The following KISS1 variants were observed in gnomAD, a reference collection of about 807,000 sequenced individuals.
The protein encoded by KISS1 is KiSS-1 metastasis suppressor.
For synonymous variants in KISS1, 97 were observed against 88.7 expected, an observed-to-expected ratio of 1.09 and a Z score of -0.52; for missense variants, 182 against 182.7, an observed-to-expected ratio of 1.00 and a Z score of 0.02.
In KISS1 at chr1:204,190,418, C is replaced by CACG. The variant is rs1658711464; in HGVS notation, c.*65_*66insCGT. 1.7e-5 allele frequency: 12 copies of CACG among 692,628 alleles called. 3 individuals carry two copies. The East Asian group carries it at 3.6e-4, about 21-fold the overall frequency. The allele number at this position is 692,628 out of a possible 1,614,324, so 42.9% of individuals were successfully genotyped here. Reference sequence around the variant, plus strand: ...CTCCCTTAGCCCTACGTCCCCGCCCCCCGCCCCCGCCCCGCATGCTCTGAC... The same window carrying CACG: ...CTCCCTTAGCCCTACGTCCCCGCCCCACGCCGCCCCCGCCCCGCATGCTCTGAC... On this transcript the variant is annotated 3_prime_UTR_variant, in exon 3 of 3. Coordinates refer to ENST00000367194, the MANE Select transcript of KISS1 (RefSeq NM_002256.4).
intron 1 of KISS1, among the ~76,000 whole-genome samples, chr1:204,195,671 A>C (rs1194423306): frequency 1.3e-5 from 2 of 149,890 alleles, no homozygotes; most frequent in Non-Finnish European, 3.0e-5. Flanking sequence ...ACACATGCGC[A>C]CACACATCAC....
chr1:204,193,064 A>G, intron 1 of KISS1, 150 bp from the exon 2 acceptor site: 1 of 655,848 alleles, frequency 1.5e-6, no homozygotes, highest in Non-Finnish European at 2.8e-6. Flanking sequence ...AGTCTAAACA[A>G]ATATATCAGT....
chr1:204,194,391 C>G lies in KISS1; in HGVS notation c.-38-1477G>C, dbSNP rs188328465. On this transcript the variant is annotated intron_variant, in intron 1 of 2. Coordinates refer to ENST00000367194, the MANE Select transcript of KISS1 (RefSeq NM_002256.4). The stretch of plus-strand genomic sequence containing the variant: ...TACCTTAAGGCCCAGGGCTGGGGCA[C>G]GGAGTAGAGGTAGGATTAATCCATT... 3.2e-3 allele frequency among the ~76,000 whole-genome samples: 483 copies of G among 152,228 alleles called. 1 individual carries two copies. Among genetic ancestry groups the G allele is most frequent in the Middle Eastern group, 6.8e-3 (2 of 294 alleles).
chr1:204,195,389 T>TAC (rs1658835781), intron 1 of KISS1, among the ~76,000 whole-genome samples: 4 of 116,760 alleles, frequency 3.4e-5, no homozygotes, highest in Non-Finnish European at 5.4e-5. Flanking sequence ...ACACACATCA[T>TAC]GCACACACAC....
In KISS1 at chr1:204,190,409, T is replaced by TTGGCCCCCCCCCCCCC; in HGVS notation, c.*74_*75insGGGGGGGGGGGGGCCA. On this transcript the variant is annotated 3_prime_UTR_variant, in exon 3 of 3. Transcript: ENST00000367194. ...CAGCGCCCCCTCCCTTAGCCCTACG[T>TTGGCCCCCCCCCCCCC]CCCCGCCCCCCGCCCCCGCCCCGCA... is the stretch of plus-strand genomic sequence containing the variant. 4 of 570,138 alleles carry TTGGCCCCCCCCCCCCC rather than the reference T, an allele frequency of 7.0e-6. No homozygotes were observed. Among genetic ancestry groups the TTGGCCCCCCCCCCCCC allele is most frequent in the African/African-American group, 2.5e-5 (1 of 40,318 alleles). 35.3% of individuals were successfully genotyped at this position (570,138 alleles called of 1,614,324 possible). A position where few individuals can be genotyped will look rare whatever the true frequency, so the allele number is the denominator to read the frequency against.
rs772143425 is a variant in KISS1 at position 204,190,754 on chromosome 1, C to A, written c.147G>T (p.Gln49His). ...ESLGLLAPGE[Q>H]SLPCTERKPA... ...GCTTCCTCTCGGTGCACGGCAGGCT[C>A]TGCTCCCCGGGGGCCAGGAGGCCCA... The change falls in exon 3 of 3, where the codon CAG (glutamine) becomes CAT (histidine). Residue 49 changes from glutamine to histidine, a missense_variant. Physicochemically the swap from Gln to His is conservative, Grantham distance 24. Coordinates refer to ENST00000367194, the MANE Select transcript of KISS1 (RefSeq NM_002256.4). The A allele has an allele frequency of 4.8e-5, 78 of 1,611,338 alleles. 1 individual carries two copies. The highest frequency in any genetic ancestry group is 6.5e-5 in the Non-Finnish European group (77 of 1,179,590).
At position 204,192,475 on chromosome 1, in the gene KISS1, C is replaced by T. The variant is rs960063679; in HGVS notation, c.103+299G>A. On this transcript the variant is annotated intron_variant, in intron 2 of 2. Transcript: ENST00000367194. The surrounding 1 kb of genome is among the most constrained non-coding windows in gnomAD (Gnocchi z 4.2). ...TGCATATGAAGTTTCTTCTCAACATCGGCACAGAGAGGTTGCTGACGTAGA... is the reference window on the plus strand; with the variant it reads ...TGCATATGAAGTTTCTTCTCAACATTGGCACAGAGAGGTTGCTGACGTAGA... Among the ~76,000 whole-genome samples the T allele has an allele frequency of 6.6e-6, 1 of 151,412 alleles. No individual in the cohort carries two copies. Among genetic ancestry groups the T allele is most frequent in the African/African-American group, 2.4e-5 (1 of 41,098 alleles).
At chr1:204,193,640 A>C (rs1289987980) in intron 1 of KISS1, among the ~76,000 whole-genome samples, 1 of 152,156 alleles carries the variant, frequency 6.6e-6, no homozygotes, top group Non-Finnish European at 1.5e-5. Context: ...GGAAAAGAAA[A>C]ACCTTTCCTT....
At chr1:204,195,203 A>ACAAAC in intron 1 of KISS1, among the ~76,000 whole-genome samples, 1 of 151,260 alleles carries the variant, frequency 6.6e-6, no homozygotes, top group South Asian at 2.1e-4. Flanking sequence ...CACACCACAC[A>ACAAAC]CATATATACG....
chr1:204,192,218 C>T lies in KISS1; in HGVS notation c.103+556G>A, dbSNP rs1299465668. ...TAGCTTGTGCCACTCACCAGACACA[C>T]TCCTGGGGAGCTCTGACACCTGCTG... On this transcript the variant is annotated intron_variant, in intron 2 of 2. Transcript: ENST00000367194. This position sits in a 1 kb window ranked among gnomAD's most constrained non-coding sequence, Gnocchi z 4.2. Among the ~76,000 whole-genome samples the T allele has an allele frequency of 1.3e-5, 2 of 152,120 alleles. No individual in the cohort carries two copies. Among genetic ancestry groups the T allele is most frequent in the South Asian group, 2.1e-4 (1 of 4,824 alleles).
At chr1:204,191,297 TG>T (rs1163248933) in intron 2 of KISS1, among the ~76,000 whole-genome samples, 4 of 152,186 alleles carry the variant, frequency 2.6e-5, no homozygotes, top group Non-Finnish European at 4.4e-5. Flanking sequence ...TAAGACATTG[TG>T]GCCCCACACA....
At chr1:204,191,707 G>A (rs985101522) in intron 2 of KISS1, among the ~76,000 whole-genome samples, 8 of 152,256 alleles carry the variant, frequency 5.3e-5, no homozygotes, top group Admixed American at 6.5e-5. Flanking sequence ...GAAAAGAGGA[G>A]TGTGGACCTG....
chr1:204,196,112 A>G (rs1658853349), intron 1 of KISS1, among the ~76,000 whole-genome samples: 1 of 152,182 alleles, frequency 6.6e-6, no homozygotes, highest in Non-Finnish European at 1.5e-5. Flanking sequence ...TATTTATTGC[A>G]TGTATTCCTT....
chr1:204,195,281 A>ACACG (rs1658828166), intron 1 of KISS1, among the ~76,000 whole-genome samples: 1 of 149,398 alleles, frequency 6.7e-6, no homozygotes. Context: ...CATACACCAC[A>ACACG]CACACCACAC....
chr1:204,194,207 A>G (rs1485513224), intron 1 of KISS1, among the ~76,000 whole-genome samples: 1 of 152,170 alleles, frequency 6.6e-6, no homozygotes, highest in Admixed American at 6.5e-5. Flanking sequence ...TCCCTGTGAA[A>G]TGTGAGCAAG....
chr1:204,194,960 A>G (rs562003782), intron 1 of KISS1, among the ~76,000 whole-genome samples: 117 of 152,090 alleles, frequency 7.7e-4, no homozygotes, highest in African/African-American at 2.7e-3. Context: ...GTAGATGTAC[A>G]TTTCCGGTTC....
intron 2 of KISS1, among the ~76,000 whole-genome samples, chr1:204,191,618 T>C (rs1382995687): frequency 6.6e-6 from 1 of 152,092 alleles, no homozygotes; most frequent in Non-Finnish European, 1.5e-5. Flanking sequence ...TGAGGCCTGG[T>C]GTGTGAATGG....
chr1:204,195,710 A>C (rs1340004887), intron 1 of KISS1, among the ~76,000 whole-genome samples: 2 of 125,992 alleles, frequency 1.6e-5, no homozygotes, highest in Non-Finnish European at 3.3e-5. Context: ...ACCCATACAC[A>C]CATATCACAC....
Position 204,190,736 on chromosome 1 carries a change from C to T in KISS1, c.165G>A (p.Glu55=). 3.1e-6 allele frequency: 5 copies of T among 1,610,664 alleles called. No individual in the cohort carries two copies. The highest frequency in any genetic ancestry group is 4.2e-6 in the Non-Finnish European group (5 of 1,179,362). The change falls in exon 3 of 3, where the codon GAG becomes GAA. Residue 55 remains glutamate (E), a synonymous_variant. Coordinates refer to ENST00000367194, the MANE Select transcript of KISS1 (RefSeq NM_002256.4). ...APGEQSLPCT[E]RKPAATARLS... ...GCCTGGCAGTAGCAGCTGGCTTCCT[C>T]TCGGTGCACGGCAGGCTCTGCTCCC...
Sources: gnomAD v4.1 joint callset for allele counts (sites outside exome capture counted in the v4.1 genomes callset) on GRCh38, gnomAD v4.1.1 for gene constraint, Gnocchi (gnomAD v3.1) non-coding constraint, MANE v1.5 for transcripts, NCBI Gene and HGNC (gene_info 2026-07-23, HGNC 2026-07-21) for gene names.